The following CNTNAP5 variants were observed in gnomAD, a reference collection of about 807,000 sequenced individuals.
The protein encoded by CNTNAP5 is contactin associated protein family member 5, also known as contactin-associated protein-like 5.
Under a neutral mutation model 150.2 loss-of-function variants are expected in CNTNAP5, and 72 were observed. That is an observed-to-expected ratio of 0.48 (90% CI 0.40 to 0.58). The LOEUF is 0.58. Among genes scored for constraint, CNTNAP5 ranks in the 20% least tolerant of loss-of-function variants. The pLI, the probability that CNTNAP5 is intolerant of heterozygous loss-of-function variation, is 0.00. For missense variants in CNTNAP5, 1,636 were observed against 1,626.2 expected (o/e 1.01, Z -0.10); for synonymous variants, 672 against 619.8 (o/e 1.08, Z -1.25).
At chr2:124,166,115 C>G (rs1684806431) in intron 1 of CNTNAP5, among the ~76,000 whole-genome samples, 1 of 152,104 alleles carries the variant, frequency 6.6e-6, no homozygotes, top group Non-Finnish European at 1.5e-5. Context: ...AACATGAATA[C>G]TAATAATGCA....
intron 1 of CNTNAP5, among the ~76,000 whole-genome samples, chr2:124,164,935 G>A (rs1684776262): frequency 1.3e-5 from 2 of 152,242 alleles, no homozygotes; most frequent in South Asian, 4.1e-4. Flanking sequence ...GCAGGGAAAT[G>A]GGGAACCTGC....
chr2:124,483,005 G>A (rs1202904364), intron 7 of CNTNAP5, among the ~76,000 whole-genome samples: 3 of 152,080 alleles, frequency 2.0e-5, no homozygotes, highest in South Asian at 2.1e-4. Context: ...CGGATTACTC[G>A]CTGTTTCTGG....
At chr2:124,226,356 A>G (rs2104746609) in intron 2 of CNTNAP5, among the ~76,000 whole-genome samples, 1 of 152,172 alleles carries the variant, frequency 6.6e-6, no homozygotes, top group Non-Finnish European at 1.5e-5. Context: ...GATGATTAGC[A>G]GTGTTGAGCA....
intron 13 of CNTNAP5, among the ~76,000 whole-genome samples, chr2:124,695,160 G>C (rs1347859957): frequency 6.6e-6 from 1 of 152,122 alleles, no homozygotes; most frequent in African/African-American, 2.4e-5. Context: ...ACAGTGTATA[G>C]TTTCTGTGGT....
chr2:124,833,809 AAAGGCAAGAGCT>A (rs1682769022), intron 19 of CNTNAP5, among the ~76,000 whole-genome samples: 1 of 152,138 alleles, frequency 6.6e-6, no homozygotes, highest in Non-Finnish European at 1.5e-5. Context: ...ATGTGTAGGA[AAAGGCAAGAGCT>A]AAGGTCATTC....
At chr2:124,123,750 T>C (rs1480296191) in intron 1 of CNTNAP5, among the ~76,000 whole-genome samples, 1 of 152,188 alleles carries the variant, frequency 6.6e-6, no homozygotes, top group Non-Finnish European at 1.5e-5. Flanking sequence ...TTCTGCAATA[T>C]TTGCGGTTCT....
chr2:124,426,913 A>C (rs912815619), intron 4 of CNTNAP5, among the ~76,000 whole-genome samples: 1 of 152,124 alleles, frequency 6.6e-6, no homozygotes, highest in African/African-American at 2.4e-5. Context: ...ACCCAAAAGG[A>C]GAGGTTGTGC....
At chr2:124,360,910 A>C (rs1413838500) in intron 3 of CNTNAP5, among the ~76,000 whole-genome samples, 1 of 145,596 alleles carries the variant, frequency 6.9e-6, no homozygotes, top group Non-Finnish European at 1.5e-5. Flanking sequence ...GTGTTTTCCA[A>C]CTTGGTTCCC....
intron 3 of CNTNAP5, among the ~76,000 whole-genome samples, chr2:124,392,244 AG>A (rs1691133174): frequency 1.3e-5 from 2 of 152,194 alleles, no homozygotes; most frequent in African/African-American, 4.8e-5. Flanking sequence ...GAACTATAAA[AG>A]CTGATGAGGA....
chr2:124,685,762 G>A (rs993305559), intron 13 of CNTNAP5, among the ~76,000 whole-genome samples: 1 of 73,524 alleles, frequency 1.4e-5, no homozygotes, highest in Admixed American at 1.4e-4. Flanking sequence ...GTGTGTGTGT[G>A]CGCGCGCGTG....
intron 3 of CNTNAP5, among the ~76,000 whole-genome samples, chr2:124,303,092 G>T (rs1211865513): frequency 6.6e-6 from 1 of 151,918 alleles, no homozygotes; most frequent in Non-Finnish European, 1.5e-5. Context: ...CCCTTAAATT[G>T]TGTTTTCCAC....
At chr2:124,585,045 G>A (rs956755917) in intron 11 of CNTNAP5, among the ~76,000 whole-genome samples, 3 of 152,158 alleles carry the variant, frequency 2.0e-5, no homozygotes, top group Non-Finnish European at 4.4e-5. Flanking sequence ...TTCAGGAACC[G>A]TGCTTAAGTT....
At chr2:124,878,319 A>G (rs1258169596) in intron 21 of CNTNAP5, among the ~76,000 whole-genome samples, 1 of 152,102 alleles carries the variant, frequency 6.6e-6, no homozygotes, top group Admixed American at 6.6e-5. Flanking sequence ...AAATATTCCA[A>G]ACTTCAGTCG....
chr2:124,326,999 G>C (rs1456104272), intron 3 of CNTNAP5, among the ~76,000 whole-genome samples: 1 of 21,360 alleles, frequency 4.7e-5, no homozygotes, highest in African/African-American at 1.7e-4. Context: ...TTTTTTTTTT[G>C]AGATAGAGTC....
intron 13 of CNTNAP5, among the ~76,000 whole-genome samples, chr2:124,738,469 A>T (rs543227070): frequency 2.0e-5 from 3 of 152,306 alleles, no homozygotes; most frequent in Admixed American, 1.3e-4. Context: ...AAGGTGGCTC[A>T]CACCTGTAAT....
At position 124,802,198 on chromosome 2, in the gene CNTNAP5, A is replaced by G. The variant is rs796695103; in HGVS notation, c.3217+3878A>G. On this transcript the variant is annotated intron_variant, in intron 19 of 23. Transcript: ENST00000682447. ...TGGAGTAAGGTGGATGAGTTGCATA[A>G]ACACTGCACACAATTCTCAGCTTGC... is the stretch of plus-strand genomic sequence containing the variant. Among the ~76,000 whole-genome samples the G allele has an allele frequency of 2.0e-4, 30 of 152,326 alleles. 1 individual carries two copies. The highest frequency in any genetic ancestry group is 7.0e-4 in the African/African-American group (29 of 41,582).
chr2:124,087,836 T>C (rs1682728750), intron 1 of CNTNAP5, among the ~76,000 whole-genome samples: 1 of 149,242 alleles, frequency 6.7e-6, no homozygotes, highest in Admixed American at 6.6e-5. Context: ...TTGTTTTGTT[T>C]TCATTATGGG....
intron 1 of CNTNAP5, among the ~76,000 whole-genome samples, chr2:124,196,594 T>C (rs1685592546): frequency 6.6e-6 from 1 of 152,204 alleles, no homozygotes; most frequent in Non-Finnish European, 1.5e-5. Flanking sequence ...ACGTATCATA[T>C]GGAATGCTAC....
At chr2:124,290,158 A>G (rs1029179523) in intron 3 of CNTNAP5, among the ~76,000 whole-genome samples, 5 of 152,072 alleles carry the variant, frequency 3.3e-5, no homozygotes, top group African/African-American at 1.2e-4. Context: ...CTGACTCAGC[A>G]TGGCATATCT....
Sources: allele counts gnomAD v4.1 joint callset (sites outside exome capture counted in the v4.1 genomes callset), GRCh38; gene constraint gnomAD v4.1.1; transcripts MANE v1.5; gene names NCBI Gene and HGNC (gene_info 2026-07-23, HGNC 2026-07-21).